Variants in REV1 observed in about 807,000 individuals in gnomAD.
The protein encoded by REV1 is REV1 DNA directed polymerase.
In REV1, 42 loss-of-function variants were observed where a neutral mutation model predicts 137.4. The ratio of observed to expected loss-of-function variants is 0.31; its 90% CI spans 0.24 to 0.40. The LOEUF (loss-of-function observed/expected upper bound fraction) is 0.40. Among genes scored for constraint, REV1 ranks in the 10% least tolerant of loss-of-function variants. The pLI, the probability that REV1 is intolerant of heterozygous loss-of-function variation, is 1.00. For missense variants in REV1, 1,282 were observed against 1,490.1 expected (o/e 0.86, Z 2.30); for synonymous variants, 524 against 519.2 (o/e 1.01, Z -0.12).
intron 3 of REV1, among the ~76,000 whole-genome samples, chr2:99,455,802 A>C (rs1034909723): frequency 1.3e-5 from 2 of 152,144 alleles, no homozygotes; most frequent in African/African-American, 2.4e-5. Flanking sequence ...CTTTCAAACA[A>C]ATCCTTATTT....
chr2:99,447,790 G>A (rs1043409888), intron 4 of REV1, among the ~76,000 whole-genome samples: 42 of 151,138 alleles, frequency 2.8e-4, no homozygotes, highest in Admixed American at 2.1e-3. Context: ...CGCCATCTCA[G>A]CTCACTGGAG....
intron 9 of REV1, among the ~76,000 whole-genome samples, chr2:99,428,121 G>A (rs1679620632): frequency 6.6e-6 from 1 of 152,074 alleles, no homozygotes; most frequent in African/African-American, 2.4e-5. Context: ...AGGTATAAAG[G>A]GAGAGACCCT....
intron 11 of REV1, among the ~76,000 whole-genome samples, chr2:99,420,527 G>A (rs1020135275): frequency 5.3e-5 from 8 of 152,164 alleles, no homozygotes; most frequent in Non-Finnish European, 8.8e-5. Context: ...GAGCCTAGGC[G>A]CTCCGTCTGC....
chr2:99,449,298 T>C (rs748742826), intron 4 of REV1, 38 bp downstream of exon 4: 10 of 1,232,656 alleles, frequency 8.1e-6, no homozygotes, highest in Non-Finnish European at 1.1e-5. Flanking sequence ...ATTCTAACTT[T>C]AAAAATTTAT....
intron 3 of REV1, among the ~76,000 whole-genome samples, chr2:99,459,606 TGAG>T (rs915708263): frequency 6.6e-6 from 1 of 151,900 alleles, no homozygotes; most frequent in Non-Finnish European, 1.5e-5. Context: ...CTTGGGAGCC[TGAG>T]GAGAGAGGAT....
At chr2:99,421,048 G>A (rs1454656043) in intron 11 of REV1, among the ~76,000 whole-genome samples, 1 of 152,154 alleles carries the variant, frequency 6.6e-6, no homozygotes, top group Non-Finnish European at 1.5e-5. Flanking sequence ...GGAGATGGAG[G>A]AGAGACTGGA....
intron 7 of REV1, 81 bp downstream of exon 7, chr2:99,435,752 TA>T (rs1029678114): frequency 1.5e-5 from 11 of 735,024 alleles, no homozygotes; most frequent in Middle Eastern, 4.0e-4. Context: ...CATAATTTTT[TA>T]AAAAAAGATT....
chr2:99,483,057 A>G (rs1686790370), intron 1 of REV1, among the ~76,000 whole-genome samples: 1 of 151,764 alleles, frequency 6.6e-6, no homozygotes, highest in Non-Finnish European at 1.5e-5. Flanking sequence ...TACGGTCTTT[A>G]AGATATTGAA....
At chr2:99,459,596 C>T (rs998690860) in intron 3 of REV1, among the ~76,000 whole-genome samples, 11 of 151,954 alleles carry the variant, frequency 7.2e-5, no homozygotes, top group Non-Finnish European at 1.5e-4. Context: ...GTCCTAGCTA[C>T]TTGGGAGCCT....
At position 99,449,466 on chromosome 2, in the gene REV1, G is replaced by A; in HGVS notation, c.220C>T (p.His74Tyr). 6.6e-7 allele frequency: 1 copy of A among 1,517,186 alleles called. No homozygotes were observed. The highest frequency in any genetic ancestry group is 8.8e-7 in the Non-Finnish European group (1 of 1,137,674). The allele number at this position is 1,517,186 out of a possible 1,614,324, so 94.0% of individuals were successfully genotyped here. A position where few individuals can be genotyped will look rare whatever the true frequency, so the allele number is the denominator to read the frequency against. Residue 74 changes from histidine to tyrosine, a missense_variant, in exon 4 of 23, where the codon CAT (histidine) becomes TAT (tyrosine). His to Tyr is a moderately conservative substitution (Grantham distance 83). Coordinates refer to ENST00000258428, the MANE Select transcript of REV1 (RefSeq NM_016316.4). ...AEELRKLMML[H>Y]GGQYHVYYSR... ...TAATATACATGGTATTGACCTCCAT[G>A]CAACATCATTAGTTTTCTCAATTCC...
chr2:99,425,036 G>T, intron 9 of REV1: 1 of 603,604 alleles, frequency 1.7e-6, no homozygotes, highest in Non-Finnish European at 2.3e-6. Flanking sequence ...ACTCTGTAAA[G>T]AATCAAGAAA....
intron 5 of REV1, among the ~76,000 whole-genome samples, chr2:99,440,948 T>C (rs1384473378): frequency 6.6e-6 from 1 of 152,200 alleles, no homozygotes; most frequent in African/African-American, 2.4e-5. Flanking sequence ...ATTTGCAAAG[T>C]AGCTGTACTG....
At position 99,400,576 on chromosome 2, in the gene REV1, A is replaced by AAAGT. The variant is rs1332153363; in HGVS notation, c.*661_*664dup. The AAAGT allele has an allele frequency of 2.0e-5, 3 of 152,184 alleles. No individual in the cohort carries two copies. The highest frequency in any genetic ancestry group is 7.2e-5 in the African/African-American group (3 of 41,446). 9.4% of individuals were successfully genotyped at this position (152,184 alleles called of 1,614,324 possible). The stretch of plus-strand genomic sequence containing the variant: ...ATCTATACCGTTCTTTTTTATCATC[A>AAAGT]AAGTTTCTCAATGGCCAGTAGAAGC... On this transcript the variant is annotated 3_prime_UTR_variant, in exon 23 of 23. Transcript: ENST00000258428.
At chr2:99,406,759 C>G (rs1676349132) in intron 15 of REV1, 1 of 259,980 alleles carries the variant, frequency 3.8e-6, no homozygotes, top group African/African-American at 2.2e-5. Context: ...AAAATCCAAA[C>G]AAGTGGAATA....
In REV1 at chr2:99,444,112, G is replaced by A. The variant is rs573500282; in HGVS notation, c.351-1643C>T. Among the ~76,000 whole-genome samples, 34 of 152,258 alleles carry A rather than the reference G, an allele frequency of 2.2e-4. No homozygotes were observed. In the East Asian group the frequency reaches 5.2e-3, roughly 23 times the overall value. On this transcript the variant is annotated intron_variant, in intron 4 of 22. Transcript: ENST00000258428. ...TGGGATTACAGGTGTGAGCCACCGC[G>A]CCCAGCCCTTTTCTTCCTTTAATAG...
intron 9 of REV1, among the ~76,000 whole-genome samples, chr2:99,427,188 A>G (rs576496903): frequency 1.9e-3 from 284 of 152,198 alleles, no homozygotes; most frequent in Non-Finnish European, 2.7e-3. Flanking sequence ...TCTCTGGGGG[A>G]AAAAAATTGC....
At chr2:99,424,348 T>C in intron 9 of REV1, 68 bp from the exon 10 acceptor site, 3 of 1,463,806 alleles carry the variant, frequency 2.0e-6, no homozygotes, top group Non-Finnish European at 1.9e-6. Flanking sequence ...TTATCAAATA[T>C]GTTGATATCT....
intron 1 of REV1, among the ~76,000 whole-genome samples, chr2:99,468,891 C>A (rs1033311606): frequency 3.9e-5 from 6 of 152,102 alleles, no homozygotes; most frequent in Non-Finnish European, 8.8e-5. Flanking sequence ...CACGTGGAAA[C>A]CCTTTGAAAA....
chr2:99,411,934 C>T (rs917434934), intron 13 of REV1, among the ~76,000 whole-genome samples: 1 of 151,710 alleles, frequency 6.6e-6, no homozygotes. Context: ...TTTGTACATA[C>T]AAATTCAAGA....
Sources: gnomAD v4.1 joint callset for allele counts (sites outside exome capture counted in the v4.1 genomes callset) on GRCh38, gnomAD v4.1.1 for gene constraint, MANE v1.5 for transcripts, NCBI Gene and HGNC (gene_info 2026-07-23, HGNC 2026-07-21) for gene names.